Variants in AKAP19 observed in about 807,000 individuals in gnomAD.
AKAP19 encodes the protein small A-kinase anchoring protein.
chr2:190,113,887 C>T, the AKAP19 span, among the ~76,000 whole-genome samples: 1 of 152,212 alleles, frequency 6.6e-6, no homozygotes, highest in Non-Finnish European at 1.5e-5. Context: ...GCATACAAGA[C>T]CTTGATTCAG....
chr2:190,057,346 G>A, the AKAP19 span: 1 of 1,613,500 alleles, frequency 6.2e-7, no homozygotes, highest in Middle Eastern at 1.7e-4. Flanking sequence ...CATATTAATT[G>A]GAGACATCTT....
chr2:190,106,751 T>C, the AKAP19 span, among the ~76,000 whole-genome samples: 1 of 152,174 alleles, frequency 6.6e-6, no homozygotes, highest in African/African-American at 2.4e-5. Flanking sequence ...TTTCAGTGAC[T>C]ATATTATTTG....
chr2:189,929,859 G>A, the AKAP19 span, among the ~76,000 whole-genome samples: 1 of 152,142 alleles, frequency 6.6e-6, no homozygotes, highest in Non-Finnish European at 1.5e-5. Context: ...CCAAATGCCA[G>A]TAACATCAGA....
At chr2:190,115,916 A>AAAGTAATGGGCAATGT in the AKAP19 span, among the ~76,000 whole-genome samples, 1 of 152,156 alleles carries the variant, frequency 6.6e-6, no homozygotes, top group Non-Finnish European at 1.5e-5. Context: ...TCCTGAGATG[A>AAAGTAATGGGCAATGT]AAGTAATGGG....
the AKAP19 span, among the ~76,000 whole-genome samples, chr2:190,193,223 AT>A: frequency 0.027 from 4,138 of 151,874 alleles, 186 homozygotes; most frequent in African/African-American, 0.092. Context: ...TGATCATCTG[AT>A]TTTTTTTATG....
the AKAP19 span, among the ~76,000 whole-genome samples, chr2:190,160,357 T>G: frequency 6.6e-6 from 1 of 152,096 alleles, no homozygotes; most frequent in South Asian, 2.1e-4. Context: ...TTAACCATGG[T>G]CATAGTAATA....
chr2:189,995,841 C>A, the AKAP19 span, among the ~76,000 whole-genome samples: 1 of 151,972 alleles, frequency 6.6e-6, no homozygotes, highest in Non-Finnish European at 1.5e-5. Flanking sequence ...CTCTCCACTA[C>A]CTTCATTTAT....
chr2:189,944,147 T>C, the AKAP19 span, among the ~76,000 whole-genome samples: 1,609 of 152,254 alleles, frequency 0.011, 21 homozygotes, highest in Middle Eastern at 0.024. Context: ...ATAGTTTAGA[T>C]ATTTGTCCAT....
At chr2:190,173,007 C>T in the AKAP19 span, among the ~76,000 whole-genome samples, 2 of 151,942 alleles carry the variant, frequency 1.3e-5, no homozygotes, top group Admixed American at 6.6e-5. Flanking sequence ...CTCAGCTACT[C>T]CAGAGGCTGA....
the AKAP19 span, among the ~76,000 whole-genome samples, chr2:189,979,743 C>A: frequency 6.6e-6 from 1 of 151,980 alleles, no homozygotes; most frequent in Non-Finnish European, 1.5e-5. Context: ...CTAATAACCC[C>A]TTCAAAAGTG....
the AKAP19 span, among the ~76,000 whole-genome samples, chr2:190,156,647 A>G: frequency 6.6e-6 from 1 of 152,214 alleles, no homozygotes; most frequent in African/African-American, 2.4e-5. Context: ...CAAATGGCCA[A>G]TAAACATGAA....
At chr2:190,008,971 A>G in the AKAP19 span, among the ~76,000 whole-genome samples, 2 of 152,118 alleles carry the variant, frequency 1.3e-5, no homozygotes, top group African/African-American at 4.8e-5. Context: ...GAAAATTTGA[A>G]GAATGCAGGG....
chr2:189,882,497 C>G, the AKAP19 span, among the ~76,000 whole-genome samples: 1 of 152,090 alleles, frequency 6.6e-6, no homozygotes, highest in Non-Finnish European at 1.5e-5. Flanking sequence ...CAACCTGAAT[C>G]AAGAGGCTTC....
the AKAP19 span, chr2:190,200,455 G>T: frequency 4.3e-6 from 1 of 233,944 alleles, no homozygotes; most frequent in Non-Finnish European, 9.1e-6. Context: ...AAATGCTAAG[G>T]AATAAAAACT....
chr2:190,096,132 C>T, the AKAP19 span, among the ~76,000 whole-genome samples: 1 of 152,028 alleles, frequency 6.6e-6, no homozygotes, highest in Admixed American at 6.6e-5. Context: ...GTAGTGTCCA[C>T]GGCCTCTAAT....
chr2:189,958,422 C>A, the AKAP19 span, among the ~76,000 whole-genome samples: 2 of 150,452 alleles, frequency 1.3e-5, no homozygotes, highest in Non-Finnish European at 3.0e-5. Context: ...TGCTGATGAG[C>A]GTATAAATTG....
the AKAP19 span, among the ~76,000 whole-genome samples, chr2:190,007,574 CTG>C: frequency 6.6e-6 from 1 of 152,196 alleles, no homozygotes; most frequent in Non-Finnish European, 1.5e-5. Context: ...CATTTAAGGA[CTG>C]TGCCTCCTCC....
chr2:190,007,113 C>T, the AKAP19 span, among the ~76,000 whole-genome samples: 48 of 152,280 alleles, frequency 3.2e-4, no homozygotes, highest in Middle Eastern at 3.4e-3. Flanking sequence ...TAGATAAGCA[C>T]AACAGTGTAC....
the AKAP19 span, among the ~76,000 whole-genome samples, chr2:190,097,674 T>A: frequency 6.6e-6 from 1 of 151,620 alleles, no homozygotes; most frequent in African/African-American, 2.4e-5. Flanking sequence ...GTTCACAGCA[T>A]CTTCATCAGG....
Sources: allele counts gnomAD v4.1 joint callset (sites outside exome capture counted in the v4.1 genomes callset), GRCh38; gene constraint gnomAD v4.1.1; transcripts MANE v1.5; gene names NCBI Gene and HGNC (gene_info 2026-07-23, HGNC 2026-07-21).